GLIS1: variants seen among roughly 807,000 people sequenced by gnomAD.
GLIS1 encodes the protein GLIS family zinc finger 1.
GLIS1 carries 24 observed loss-of-function variants against 63.8 expected under a neutral mutation model. That is an observed-to-expected ratio of 0.38 (90% CI 0.27 to 0.53). The LOEUF (loss-of-function observed/expected upper bound fraction) is 0.53. Among genes scored for constraint, GLIS1 ranks in the 20% least tolerant of loss-of-function variants. GLIS1 has a pLI of 0.85. For missense variants in GLIS1, 1,036 were observed against 1,074.1 expected (o/e 0.96, Z 0.50); for synonymous variants, 450 against 482.5 (o/e 0.93, Z 0.88).
intron 4 of GLIS1, among the ~76,000 whole-genome samples, chr1:53,549,985 T>G (rs912990456): frequency 5.3e-5 from 8 of 152,138 alleles, no homozygotes; most frequent in Non-Finnish European, 1.0e-4. Context: ...TGGGAAGTGG[T>G]GCCCCTGTGG....
chr1:53,612,007 A>T (rs574903900), intron 2 of GLIS1, among the ~76,000 whole-genome samples: 15 of 151,012 alleles, frequency 9.9e-5, no homozygotes, highest in African/African-American at 2.7e-4. Context: ...CTAATTTTTT[A>T]ATTTTTGTAG....
At chr1:53,643,240 C>A (rs1301636038) in intron 2 of GLIS1, among the ~76,000 whole-genome samples, 2 of 152,206 alleles carry the variant, frequency 1.3e-5, no homozygotes, top group Non-Finnish European at 2.9e-5. Context: ...ACTTGGGCCG[C>A]TTCTCTCCAG....
rs79905007 is a variant in GLIS1, at chr1:53,561,470, C to T, written c.1321-31518G>A. On this transcript the variant is annotated intron_variant, in intron 4 of 10. Transcript: ENST00000628545. Reference sequence around the variant, plus strand: ...CTTTTTTCAAACAGGCACTGTATGTCTTTACATTATTGTTGGCGGACCAGG... The same window carrying T: ...CTTTTTTCAAACAGGCACTGTATGTTTTTACATTATTGTTGGCGGACCAGG... 4.1e-3 allele frequency among the ~76,000 whole-genome samples: 623 copies of T among 152,300 alleles called. 7 individuals are homozygous for T. Among genetic ancestry groups the T allele is most frequent in the African/African-American group, 0.014 (585 of 41,568 alleles).
intron 7 of GLIS1, 63 bp downstream of exon 7, chr1:53,520,565 TCCTTGA>T (rs1036195362): frequency 4.7e-6 from 7 of 1,493,522 alleles, no homozygotes; most frequent in Non-Finnish European, 6.2e-6. Context: ...GCATCACTTG[TCCTTGA>T]CTGTGGGCAG....
chr1:53,565,535 G>C (rs1015931147), intron 4 of GLIS1, among the ~76,000 whole-genome samples: 2 of 151,884 alleles, frequency 1.3e-5, no homozygotes, highest in Non-Finnish European at 2.9e-5. Context: ...GGAATAAAAC[G>C]AGAAACATAA....
chr1:53,528,659 A>G (rs1644496390), intron 5 of GLIS1, among the ~76,000 whole-genome samples: 1 of 152,120 alleles, frequency 6.6e-6, no homozygotes, highest in African/African-American at 2.4e-5. Context: ...GGCTGGCATC[A>G]GAGACCTGCA....
chr1:53,576,086 C>G (rs1270562234), intron 4 of GLIS1, among the ~76,000 whole-genome samples: 1 of 152,122 alleles, frequency 6.6e-6, no homozygotes, highest in African/African-American at 2.4e-5. Flanking sequence ...CGCCCCTTTC[C>G]TACCCGTCCC....
chr1:53,588,622 G>A (rs1244170951), intron 4 of GLIS1, among the ~76,000 whole-genome samples: 1 of 152,246 alleles, frequency 6.6e-6, no homozygotes, highest in Non-Finnish European at 1.5e-5. Flanking sequence ...TGGGTGAGGG[G>A]TGTGTGCTGG....
intron 2 of GLIS1, among the ~76,000 whole-genome samples, chr1:53,696,619 G>A (rs1489274904): frequency 7.2e-6 from 1 of 139,148 alleles, no homozygotes; most frequent in Non-Finnish European, 1.5e-5. Flanking sequence ...CACCCCACCC[G>A]GCCATGCTCA....
intron 2 of GLIS1, among the ~76,000 whole-genome samples, chr1:53,701,998 G>GAACAAAAAAAA (rs1646528060): frequency 1.8e-5 from 1 of 56,296 alleles, no homozygotes; most frequent in Non-Finnish European, 4.0e-5. Flanking sequence ...ACCTAAAAAA[G>GAACAAAAAAAA]AAAAAAAAAA....
chr1:53,678,747 C>T (rs1384905737), intron 2 of GLIS1, among the ~76,000 whole-genome samples: 4 of 152,262 alleles, frequency 2.6e-5, no homozygotes, highest in Admixed American at 1.3e-4. Context: ...CAAGAACAGC[C>T]GGGAGCAGAG....
chr1:53,692,816 A>G (rs1217190969), intron 2 of GLIS1, among the ~76,000 whole-genome samples: 1 of 152,216 alleles, frequency 6.6e-6, no homozygotes, highest in South Asian at 2.1e-4. Context: ...CGCTTGCCCA[A>G]GGTCCCTGCA....
intron 4 of GLIS1, among the ~76,000 whole-genome samples, chr1:53,535,913 G>C (rs1038774107): frequency 1.3e-5 from 2 of 152,016 alleles, no homozygotes; most frequent in Non-Finnish European, 1.5e-5. Context: ...TGCTGGCTTG[G>C]TGGCATCTGT....
intron 2 of GLIS1, among the ~76,000 whole-genome samples, chr1:53,657,101 C>T (rs1030667329): frequency 3.3e-5 from 5 of 152,324 alleles, no homozygotes; most frequent in African/African-American, 7.2e-5. Flanking sequence ...TTGCCACCCC[C>T]GGGCTAATGC....
At chr1:53,615,358 C>T (rs1346217177) in intron 2 of GLIS1, among the ~76,000 whole-genome samples, 2 of 152,174 alleles carry the variant, frequency 1.3e-5, no homozygotes, top group Non-Finnish European at 2.9e-5. Flanking sequence ...CCTCCTAGTG[C>T]CATCTCCCAG....
intron 2 of GLIS1, among the ~76,000 whole-genome samples, chr1:53,610,355 G>A (rs1322055398): frequency 6.6e-6 from 1 of 152,112 alleles, no homozygotes; most frequent in Non-Finnish European, 1.5e-5. Context: ...TAAGCCTACT[G>A]GCAAGGAATT....
At chr1:53,738,864 G>A (rs987628689) in intron 1 of GLIS1, among the ~76,000 whole-genome samples, 1 of 152,154 alleles carries the variant, frequency 6.6e-6, no homozygotes, top group East Asian at 1.9e-4. Flanking sequence ...ACTGCCGCTG[G>A]TCAGACGCTC....
intron 5 of GLIS1, among the ~76,000 whole-genome samples, chr1:53,527,980 GGAA>G (rs1360981924): frequency 6.6e-6 from 1 of 152,194 alleles, no homozygotes; most frequent in Admixed American, 6.5e-5. Context: ...GAGGGAGGGA[GGAA>G]GAAGGAGGGT....
chr1:53,567,461 A>C (rs561787992), intron 4 of GLIS1, among the ~76,000 whole-genome samples: 69 of 152,394 alleles, frequency 4.5e-4, no homozygotes, highest in South Asian at 1.9e-3. Context: ...ACCATGTGGT[A>C]GAAAAGAAAA....
Sources: allele counts gnomAD v4.1 joint callset (sites outside exome capture counted in the v4.1 genomes callset), GRCh38; gene constraint gnomAD v4.1.1; transcripts MANE v1.5; gene names NCBI Gene and HGNC (gene_info 2026-07-23, HGNC 2026-07-21).